Variants in RHEB observed in about 807,000 individuals in gnomAD.
RHEB encodes the protein GTP-binding protein Rheb.
Under a neutral mutation model 28.8 loss-of-function variants are expected in RHEB, and 2 were observed. That is an observed-to-expected ratio of 0.07 (90% CI 0.03 to 0.22). The LOEUF (loss-of-function observed/expected upper bound fraction) is 0.22, where lower values mean the gene tolerates loss of function less well. Ranked by LOEUF, RHEB falls within the 10% of genes least tolerant of loss-of-function variation. The probability of loss-of-function intolerance (pLI) is 1.00; values close to 1 mark genes in which losing one functional copy is unlikely to be tolerated. For synonymous variants in RHEB, 69 were observed against 77.3 expected (o/e 0.89, Z 0.56); for missense variants, 76 against 219.9 (o/e 0.35, Z 4.14).
At chr7:151,515,659 T>G (rs932431934) in intron 1 of RHEB, among the ~76,000 whole-genome samples, 59 of 152,174 alleles carry the variant, frequency 3.9e-4, no homozygotes, top group African/African-American at 1.2e-3. Flanking sequence ...GCCTTTCAAT[T>G]TTTCAATAAA....
At chr7:151,497,498 C>T (rs1802694593) in intron 1 of RHEB, among the ~76,000 whole-genome samples, 1 of 152,200 alleles carries the variant, frequency 6.6e-6, no homozygotes, top group African/African-American at 2.4e-5. Context: ...CCAGCTCCTA[C>T]CAGCAACTCA....
chr7:151,505,961 G>C (rs1802865930), intron 1 of RHEB, among the ~76,000 whole-genome samples: 1 of 152,162 alleles, frequency 6.6e-6, no homozygotes, highest in South Asian at 2.1e-4. Flanking sequence ...ATGGAGAGCA[G>C]ATCAGTGCTT....
chr7:151,487,003 T>C (rs1029729463), intron 2 of RHEB, among the ~76,000 whole-genome samples: 19 of 152,082 alleles, frequency 1.2e-4, no homozygotes, highest in African/African-American at 4.3e-4. Flanking sequence ...CAAGGGGAAA[T>C]GCAGGCAGTT....
intron 1 of RHEB, among the ~76,000 whole-genome samples, chr7:151,518,448 C>A (rs1803120426): frequency 6.6e-6 from 1 of 152,132 alleles, no homozygotes; most frequent in South Asian, 2.1e-4. Flanking sequence ...GCCCGGTGCA[C>A]GCCTTCTATA....
intron 1 of RHEB, among the ~76,000 whole-genome samples, chr7:151,511,719 C>T (rs554030566): frequency 6.6e-6 from 1 of 151,594 alleles, no homozygotes; most frequent in South Asian, 2.1e-4. Flanking sequence ...GCGATCTCGA[C>T]TCACTGCAAC....
Position 151,467,190 on chromosome 7 carries a change from T to G in RHEB, c.484A>C (p.Arg162=). The change falls in exon 8 of 8, where the codon AGG becomes CGG. Residue 162 remains arginine (R), a synonymous_variant. Transcript: ENST00000262187. ...ATTTTTTCTGCCTCCAAAATTATCC[T>G]TCGAAAAACATCCACAGCAGTCTGA... ...ENQTAVDVFR[R]IILEAEKMDG... 1 of 1,613,292 alleles carries G rather than the reference T, an allele frequency of 6.2e-7. No homozygotes were observed. The highest frequency in any genetic ancestry group is 8.5e-7 in the Non-Finnish European group (1 of 1,179,308).
intron 1 of RHEB, among the ~76,000 whole-genome samples, chr7:151,511,706 G>A (rs1468293969): frequency 6.7e-6 from 1 of 150,264 alleles, no homozygotes; most frequent in Non-Finnish European, 1.5e-5. Flanking sequence ...GTCGCCCAGT[G>A]GCGCGATCTC....
At chr7:151,502,412 T>C in intron 1 of RHEB, 3 of 803,174 alleles carry the variant, frequency 3.7e-6, no homozygotes, top group Non-Finnish European at 6.8e-6. Flanking sequence ...AGCCATTACA[T>C]CTATACAACA....
intron 1 of RHEB, among the ~76,000 whole-genome samples, chr7:151,511,848 G>A (rs562645710): frequency 2.6e-5 from 4 of 152,058 alleles, no homozygotes; most frequent in South Asian, 2.1e-4. Flanking sequence ...ACAGGGTTTC[G>A]CCAGGTTGGC....
At chr7:151,514,330 T>C (rs895957520) in intron 1 of RHEB, among the ~76,000 whole-genome samples, 28 of 152,314 alleles carry the variant, frequency 1.8e-4, no homozygotes, top group African/African-American at 4.6e-4. Context: ...GCTTCTAAGA[T>C]GTGACACCAA....
intron 1 of RHEB, among the ~76,000 whole-genome samples, chr7:151,491,411 G>A (rs1476736879): frequency 6.6e-6 from 1 of 152,096 alleles, no homozygotes; most frequent in East Asian, 1.9e-4. Flanking sequence ...CATATATGAC[G>A]GTTAGAAGTG....
At chr7:151,486,123 C>T (rs1802470030) in intron 2 of RHEB, among the ~76,000 whole-genome samples, 1 of 152,182 alleles carries the variant, frequency 6.6e-6, no homozygotes, top group East Asian at 1.9e-4. Context: ...TCCTTGTCAG[C>T]CAGGGTGCAG....
chr7:151,480,513 T>C (rs1479392492), intron 3 of RHEB, among the ~76,000 whole-genome samples: 1 of 151,998 alleles, frequency 6.6e-6, no homozygotes, highest in Admixed American at 6.6e-5. Context: ...GGGGGTTAGA[T>C]AGCTAGGGTA....
At chr7:151,487,948 G>A (rs530691900) in intron 2 of RHEB, among the ~76,000 whole-genome samples, 10 of 152,302 alleles carry the variant, frequency 6.6e-5, no homozygotes, top group South Asian at 6.2e-4. Flanking sequence ...AGTGTGGTGA[G>A]GGCTCTTCAT....
chr7:151,470,511 G>T, intron 7 of RHEB, 60 bp downstream of exon 7: 1 of 1,185,546 alleles, frequency 8.4e-7, no homozygotes. Context: ...CAACTGCAAG[G>T]AACACATCCC....
intron 2 of RHEB, among the ~76,000 whole-genome samples, chr7:151,486,099 G>A (rs766072733): frequency 2.6e-5 from 4 of 152,122 alleles, no homozygotes; most frequent in African/African-American, 4.8e-5. Flanking sequence ...ATCCTGCACC[G>A]CTGGAGGTTT....
intron 1 of RHEB, chr7:151,502,285 G>A: frequency 1.5e-6 from 1 of 688,792 alleles, no homozygotes; most frequent in South Asian, 1.7e-5. Flanking sequence ...GCACTAGCAT[G>A]ATATCACTGA....
chr7:151,477,014 T>C (rs1008557307), intron 4 of RHEB, among the ~76,000 whole-genome samples: 4 of 152,216 alleles, frequency 2.6e-5, no homozygotes, highest in Non-Finnish European at 5.9e-5. Context: ...TTCACCTTAA[T>C]ATGGTAAAAA....
intron 2 of RHEB, among the ~76,000 whole-genome samples, chr7:151,485,700 T>C (rs1802459899): frequency 1.3e-5 from 2 of 151,972 alleles, no homozygotes; most frequent in Admixed American, 6.5e-5. Flanking sequence ...CACAGACAAA[T>C]GGAAATTATG....
Sources: allele counts gnomAD v4.1 joint callset (sites outside exome capture counted in the v4.1 genomes callset), GRCh38; gene constraint gnomAD v4.1.1; transcripts MANE v1.5; gene names NCBI Gene and HGNC (gene_info 2026-07-23, HGNC 2026-07-21).